Variants in ZNF420 observed in about 807,000 individuals in gnomAD.
ZNF420 encodes the protein zinc finger protein 420.
Under a neutral mutation model 44.7 loss-of-function variants are expected in ZNF420, and 31 were observed. The observed-to-expected ratio is 0.69, with a 90% CI of 0.52 to 0.94. The LOEUF is 0.94. Ranked by LOEUF, ZNF420 falls within the 40% of genes least tolerant of loss-of-function variation. ZNF420 has a pLI of 0.00. For synonymous variants in ZNF420, 245 were observed against 267.4 expected, an observed-to-expected ratio of 0.92 and a Z score of 0.82; for missense variants, 681 against 827.9, an observed-to-expected ratio of 0.82 and a Z score of 2.18.
intron 4 of ZNF420, among the ~76,000 whole-genome samples, chr19:37,105,009 C>T (rs1599686130): frequency 1.3e-5 from 2 of 152,098 alleles, no homozygotes; most frequent in Non-Finnish European, 2.9e-5. Flanking sequence ...TTAATTAGAT[C>T]CCATTTGTCA....
intron 4 of ZNF420, chr19:37,092,140 G>C (rs17707446): frequency 0.24 from 36,000 of 151,964 alleles, 4,960 homozygotes; most frequent in Non-Finnish European, 0.32. Context: ...CCTTGTGCTG[G>C]AATAAACTGT....
intron 1 of ZNF420, among the ~76,000 whole-genome samples, chr19:37,032,294 T>C (rs1967274032): frequency 6.6e-6 from 1 of 150,662 alleles, no homozygotes; most frequent in Non-Finnish European, 1.5e-5. Context: ...ATTGCGCCAC[T>C]GCACTCCAAC....
chr19:37,010,471 G>C (rs919253127), intron 1 of ZNF420, among the ~76,000 whole-genome samples: 1 of 152,020 alleles, frequency 6.6e-6, no homozygotes, highest in Non-Finnish European at 1.5e-5. Flanking sequence ...GGGTTGCCTG[G>C]GGCTATGTGT....
chr19:37,127,822 G>T lies in ZNF420; in HGVS notation c.831G>T (p.Lys277Asn). ...ACCAGAGACTTCATACTGGTGAAAA[G>T]CTCTATGAATGTAAAGAATGTAGGA... ...TLHQRLHTGE[K>N]LYECKECRKV... The change falls in exon 5 of 5, where the codon AAG (lysine) becomes AAT (asparagine). Residue 277 changes from lysine (K) to asparagine (N), a missense_variant. By Grantham distance (94) the Lys-to-Asn change is moderately conservative. Around this residue, in one of 3 missense-constraint regions of ZNF420, gnomAD observed 350 missense variants for 382.5 expected, o/e 0.92. Transcript: ENST00000337995. The T allele has an allele frequency of 6.2e-7, 1 of 1,613,662 alleles. No homozygotes were observed. Among genetic ancestry groups the T allele is most frequent in the South Asian group, 1.1e-5 (1 of 91,066 alleles).
chr19:37,102,894 C>CT (rs576340379), intron 4 of ZNF420, among the ~76,000 whole-genome samples: 76 of 152,180 alleles, frequency 5.0e-4, no homozygotes, highest in African/African-American at 1.4e-3. Flanking sequence ...CTACACGTCA[C>CT]TTTTTTTGTA....
Position 37,129,764 on chromosome 19 carries a change from A to C in ZNF420, c.*706A>C. On this transcript the variant is annotated 3_prime_UTR_variant, in exon 5 of 5. Transcript: ENST00000337995. The stretch of plus-strand genomic sequence containing the variant: ...TGTATTATTAAAAAAAAAAAAACCC[A>C]GTGGATGTAATCAGTGTATTATTGA... The C allele has an allele frequency of 4.6e-6, 1 of 217,836 alleles. No homozygotes were observed. Among genetic ancestry groups the C allele is most frequent in the East Asian group, 1.0e-4 (1 of 9,568 alleles). 13.5% of individuals were successfully genotyped at this position (217,836 alleles called of 1,614,324 possible). A position where few individuals can be genotyped will look rare whatever the true frequency, so the allele number is the denominator to read the frequency against.
At chr19:37,096,569 C>A (rs529709875) in intron 4 of ZNF420, among the ~76,000 whole-genome samples, 1 of 152,208 alleles carries the variant, frequency 6.6e-6, no homozygotes, top group Admixed American at 6.5e-5. Context: ...AAGGTCTTGT[C>A]TGTTCAGTTT....
intron 4 of ZNF420, among the ~76,000 whole-genome samples, chr19:37,119,562 C>A (rs1970905172): frequency 6.6e-6 from 1 of 152,000 alleles, no homozygotes; most frequent in African/African-American, 2.4e-5. Context: ...ATTAAAAGAA[C>A]TAGAAAAGCA....
intron 4 of ZNF420, among the ~76,000 whole-genome samples, chr19:37,104,015 T>C (rs1969929829): frequency 6.6e-6 from 1 of 150,636 alleles, no homozygotes; most frequent in Admixed American, 6.7e-5. Context: ...AGTTCTAGGG[T>C]ACATGTGCAC....
At chr19:37,044,082 C>T (rs376896405) in intron 1 of ZNF420, among the ~76,000 whole-genome samples, 1 of 152,180 alleles carries the variant, frequency 6.6e-6, no homozygotes, top group South Asian at 2.1e-4. Context: ...ACTGGTCAGA[C>T]CTTTGTCCAG....
chr19:37,013,918 G>A (rs1033893488), intron 1 of ZNF420, among the ~76,000 whole-genome samples: 3 of 152,184 alleles, frequency 2.0e-5, no homozygotes, highest in African/African-American at 7.2e-5. Flanking sequence ...TGTAGTGAGC[G>A]TGTATCTCCA....
At chr19:37,064,359 CTTATT>C (rs1568434817) in intron 1 of ZNF420, among the ~76,000 whole-genome samples, 1 of 152,096 alleles carries the variant, frequency 6.6e-6, no homozygotes, top group Non-Finnish European at 1.5e-5. Flanking sequence ...TCTATTATTA[CTTATT>C]TTAATGACCA....
At chr19:37,051,636 G>GTCTA (rs1967641004) in intron 1 of ZNF420, among the ~76,000 whole-genome samples, 1 of 152,176 alleles carries the variant, frequency 6.6e-6, no homozygotes, top group Middle Eastern at 3.4e-3. Context: ...CTTGCTAGCA[G>GTCTA]TCTATCAATT....
intron 2 of ZNF420, among the ~76,000 whole-genome samples, chr19:37,087,721 C>G (rs1238078013): frequency 6.6e-6 from 1 of 152,190 alleles, no homozygotes; most frequent in Non-Finnish European, 1.5e-5. Flanking sequence ...TCTCGGCTCG[C>G]TGCAAGCTCC....
At chr19:37,055,864 C>T (rs1967740859) in intron 1 of ZNF420, among the ~76,000 whole-genome samples, 1 of 152,124 alleles carries the variant, frequency 6.6e-6, no homozygotes, top group Non-Finnish European at 1.5e-5. Flanking sequence ...GAGGCCTGCC[C>T]GGATGGTGTT....
rs149070537 is a variant in ZNF420, at chr19:37,078,798, G to C, written c.-125+228G>C. On this transcript the variant is annotated intron_variant, in intron 1 of 4. Coordinates refer to ENST00000337995, the MANE Select transcript of ZNF420 (RefSeq NM_144689.5). Reference sequence around the variant, plus strand: ...TTGTGACTGTTTGCTTACCTGGCTGGGATATACTTATGTGACTGTGATTTT... The same window carrying C: ...TTGTGACTGTTTGCTTACCTGGCTGCGATATACTTATGTGACTGTGATTTT... Among the ~76,000 whole-genome samples the C allele has an allele frequency of 3.3e-5, 5 of 152,304 alleles. No homozygotes were observed. The East Asian group carries it at 9.6e-4, about 29-fold the overall frequency.
At chr19:37,087,291 AAATAAAT>A (rs1238187246) in intron 2 of ZNF420, among the ~76,000 whole-genome samples, 1,892 of 70,652 alleles carry the variant, frequency 0.027, 46 homozygotes, top group African/African-American at 0.096. Flanking sequence ...TCAAAAAAAA[AAATAAAT>A]AAATAAATAA....
chr19:37,109,628 G>A (rs1010531123), intron 4 of ZNF420: 1 of 152,160 alleles, frequency 6.6e-6, no homozygotes, highest in Non-Finnish European at 1.5e-5. Context: ...GCTTTTCTTT[G>A]CATCTCCGAC....
intron 1 of ZNF420, among the ~76,000 whole-genome samples, chr19:37,052,820 G>A (rs1345994154): frequency 1.3e-5 from 2 of 152,110 alleles, no homozygotes; most frequent in Non-Finnish European, 2.9e-5. Flanking sequence ...CAACTTTGGT[G>A]AATCTGACAA....
Sources: gnomAD v4.1 joint callset for allele counts (sites outside exome capture counted in the v4.1 genomes callset) on GRCh38, gnomAD v4.1.1 for gene constraint, gnomAD v4.1.1 regional missense constraint, MANE v1.5 for transcripts, NCBI Gene and HGNC (gene_info 2026-07-23, HGNC 2026-07-21) for gene names.